The following LNX2 variants were observed in gnomAD, a reference collection of about 807,000 sequenced individuals.
The protein encoded by LNX2 is ligand of Numb protein X 2.
LNX2 carries 35 observed loss-of-function variants against 66.2 expected under a neutral mutation model. The ratio of observed to expected loss-of-function variants is 0.53; its 90% confidence interval spans 0.40 to 0.70. LNX2 has a LOEUF of 0.70. Ranked by LOEUF, LNX2 falls within the 30% of genes least tolerant of loss-of-function variation. The probability of loss-of-function intolerance (pLI) is 0.00; values close to 1 mark genes in which losing one functional copy is unlikely to be tolerated. For synonymous variants in LNX2, 337 were observed against 315.6 expected, an observed-to-expected ratio of 1.07 and a Z score of -0.72; for missense variants, 791 against 850.8, an observed-to-expected ratio of 0.93 and a Z score of 0.87.
chr13:27,583,419 G>C (rs953981969), intron 1 of LNX2, among the ~76,000 whole-genome samples: 1 of 151,974 alleles, frequency 6.6e-6, no homozygotes, highest in African/African-American at 2.4e-5. Flanking sequence ...CACCACACCT[G>C]GCTAATTTTT....
intron 8 of LNX2, among the ~76,000 whole-genome samples, chr13:27,552,346 G>A (rs903544786): frequency 2.0e-5 from 3 of 152,200 alleles, no homozygotes; most frequent in Non-Finnish European, 4.4e-5. Context: ...CCCACTATGC[G>A]CAAAGCGCCT....
At chr13:27,618,933 G>A (rs1407061017) in intron 1 of LNX2, among the ~76,000 whole-genome samples, 1 of 152,198 alleles carries the variant, frequency 6.6e-6, no homozygotes, top group Non-Finnish European at 1.5e-5. Flanking sequence ...TGCTCCCTAA[G>A]TTCAAATTAC....
At chr13:27,567,864 C>A (rs780905530) in intron 3 of LNX2, 25 bp from the exon 4 acceptor site, 1 of 1,590,818 alleles carries the variant, frequency 6.3e-7, no homozygotes, top group Non-Finnish European at 8.6e-7. Flanking sequence ...ATGAGACAGA[C>A]AAAAACAGAT....
At chr13:27,620,867 A>G (rs893432988), upstream of LNX2, 3 of 151,574 alleles carry the variant, frequency 2.0e-5, no homozygotes, top group African/African-American at 7.2e-5. Flanking sequence ...CAAGAGTGGC[A>G]CAGCTGGGGA....
chr13:27,583,206 G>GCGCGCGCGCGCGCGCGTCC (rs1566124655), intron 1 of LNX2, among the ~76,000 whole-genome samples: 1 of 18,010 alleles, frequency 5.6e-5, no homozygotes, highest in Non-Finnish European at 1.0e-4. Context: ...GTGTGTGTGT[G>GCGCGCGCGCGCGCGCGTCC]TGTGTGTGTG....
Position 27,601,374 on chromosome 13 carries a change from C to T in LNX2, c.-101+19001G>A, listed in dbSNP as rs949208007. On this transcript the variant is annotated intron_variant, in intron 1 of 9. Transcript: ENST00000316334. ...TAAGAAAGACATTATATAAGCAATA[C>T]GTGATGCAATTCCACAGAAACCACA... 1.8e-4 allele frequency among the ~76,000 whole-genome samples: 27 copies of T among 152,140 alleles called. 1 individual carries two copies. Among genetic ancestry groups the T allele is most frequent in the Admixed American group, 1.6e-3 (24 of 15,268 alleles).
chr13:27,556,447 GA>G, intron 6 of LNX2, 34 bp from the exon 7 acceptor site: 1 of 1,567,048 alleles, frequency 6.4e-7, no homozygotes, highest in Non-Finnish European at 8.8e-7. Flanking sequence ...ATTGGATAAT[GA>G]ATAAAATATA....
intron 1 of LNX2, among the ~76,000 whole-genome samples, chr13:27,592,706 G>T (rs1025842589): frequency 6.6e-6 from 1 of 152,200 alleles, no homozygotes; most frequent in Non-Finnish European, 1.5e-5. Flanking sequence ...GCACCTTTCT[G>T]GGGGACGAAG....
At chr13:27,607,540 T>C (rs1450894820) in intron 1 of LNX2, among the ~76,000 whole-genome samples, 1 of 152,238 alleles carries the variant, frequency 6.6e-6, no homozygotes, top group Non-Finnish European at 1.5e-5. Flanking sequence ...TTATTTACTC[T>C]TTTTCAGACT....
At chr13:27,553,143 A>T in intron 8 of LNX2, 65 bp downstream of exon 8, 1 of 1,318,484 alleles carries the variant, frequency 7.6e-7, no homozygotes, top group Non-Finnish European at 1.1e-6. Context: ...TTATCATGCT[A>T]CACACTGATA....
At chr13:27,563,214 T>A (rs1232177370) in intron 4 of LNX2, among the ~76,000 whole-genome samples, 1 of 152,178 alleles carries the variant, frequency 6.6e-6, no homozygotes, top group South Asian at 2.1e-4. Flanking sequence ...GAACAGAAAT[T>A]TAAGTTTTAC....
intron 1 of LNX2, among the ~76,000 whole-genome samples, chr13:27,598,845 A>C (rs1441621471): frequency 6.6e-6 from 1 of 152,136 alleles, no homozygotes; most frequent in Non-Finnish European, 1.5e-5. Context: ...ATATACACAT[A>C]TATGTTTACA....
intron 1 of LNX2, among the ~76,000 whole-genome samples, chr13:27,615,351 G>A (rs77986237): frequency 0.044 from 6,712 of 152,340 alleles, 211 homozygotes; most frequent in Non-Finnish European, 0.067. Flanking sequence ...GAAGGGGTGC[G>A]GAGCGTCCAT....
chr13:27,557,609 T>C (rs1440468220), intron 6 of LNX2, among the ~76,000 whole-genome samples: 2 of 151,854 alleles, frequency 1.3e-5, no homozygotes, highest in Non-Finnish European at 2.9e-5. Flanking sequence ...AATTATAACA[T>C]TTCCTTAAAT....
At chr13:27,605,853 C>T (rs1426271331) in intron 1 of LNX2, among the ~76,000 whole-genome samples, 3 of 152,176 alleles carry the variant, frequency 2.0e-5, no homozygotes, top group Admixed American at 6.5e-5. Context: ...AGCAATGTAA[C>T]ACTGAAAATA....
At chr13:27,598,040 T>C (rs1955618416) in intron 1 of LNX2, among the ~76,000 whole-genome samples, 1 of 152,094 alleles carries the variant, frequency 6.6e-6, no homozygotes, top group Non-Finnish European at 1.5e-5. Flanking sequence ...ACAACAAATG[T>C]CCATTATCAG....
At position 27,559,869 on chromosome 13, in the gene LNX2, C is replaced by T. The variant is rs549899529; in HGVS notation, c.1341G>A (p.Pro447=). ...SSSSQHHTPP[P]YYSRPSSHKD... is the part of the protein sequence containing the mutation. ...TATGTGAGCTTGGTCTGCTATAATACGGTGGTGGTGTGTGGTGCTGGCTGC... is the reference window on the plus strand; with the variant it reads ...TATGTGAGCTTGGTCTGCTATAATATGGTGGTGGTGTGTGGTGCTGGCTGC... Residue 447 remains proline (P), a synonymous_variant, in exon 6 of 10, where the codon CCG becomes CCA. Transcript: ENST00000316334. 1.9e-5 allele frequency: 30 copies of T among 1,604,996 alleles called. No homozygotes were observed. The highest frequency in any genetic ancestry group is 2.7e-5 in the African/African-American group (2 of 74,384).
intron 1 of LNX2, among the ~76,000 whole-genome samples, chr13:27,603,702 CTACA>C (rs1470779207): frequency 6.6e-6 from 1 of 151,926 alleles, no homozygotes; most frequent in East Asian, 1.9e-4. Flanking sequence ...CAGCCAATCC[CTACA>C]TAGTTACTGT....
At chr13:27,615,193 T>C (rs1381707756) in intron 1 of LNX2, among the ~76,000 whole-genome samples, 2 of 152,240 alleles carry the variant, frequency 1.3e-5, no homozygotes, top group African/African-American at 2.4e-5. Context: ...TGGCCTCAAT[T>C]TGGGGTTCCC....
Sources: gnomAD v4.1 joint callset for allele counts (sites outside exome capture counted in the v4.1 genomes callset) on GRCh38, gnomAD v4.1.1 for gene constraint, MANE v1.5 for transcripts, NCBI Gene and HGNC (gene_info 2026-07-23, HGNC 2026-07-21) for gene names.